Variants in NEK11 observed in about 807,000 individuals in gnomAD.
NEK11 encodes the protein NIMA related kinase 11.
Under a neutral mutation model 80.7 loss-of-function variants are expected in NEK11, and 72 were observed. The ratio of observed to expected loss-of-function variants is 0.89; its 90% CI spans 0.74 to 1.08. The LOEUF (loss-of-function observed/expected upper bound fraction) is 1.08. Among genes scored for constraint, NEK11 ranks in the 50% least tolerant of loss-of-function variants. The pLI, the probability that NEK11 is intolerant of heterozygous loss-of-function variation, is 0.00. For missense variants in NEK11, 764 were observed against 763.6 expected, an observed-to-expected ratio of 1.00 and a Z score of -0.01; for synonymous variants, 251 against 260.7, an observed-to-expected ratio of 0.96 and a Z score of 0.36.
intron 14 of NEK11, among the ~76,000 whole-genome samples, chr3:131,226,898 GTCT>G (rs1231083437): frequency 1.3e-5 from 2 of 151,940 alleles, no homozygotes; most frequent in South Asian, 2.1e-4. Flanking sequence ...ACGTGCAGGT[GTCT>G]TCTTGATATA....
intron 17 of NEK11, among the ~76,000 whole-genome samples, chr3:131,288,913 T>C (rs1320446591): frequency 1.3e-5 from 2 of 152,180 alleles, no homozygotes; most frequent in South Asian, 2.1e-4. Flanking sequence ...CAAGGGTAGA[T>C]AGTAATAAAT....
intron 17 of NEK11, among the ~76,000 whole-genome samples, chr3:131,307,477 C>G (rs1398812796): frequency 6.6e-6 from 1 of 152,182 alleles, no homozygotes; most frequent in Non-Finnish European, 1.5e-5. Context: ...GGGCTTAACT[C>G]ATTAGAGTTA....
chr3:131,213,917 T>A (rs2094722425), intron 14 of NEK11, among the ~76,000 whole-genome samples: 1 of 152,052 alleles, frequency 6.6e-6, no homozygotes, highest in African/African-American at 2.4e-5. Flanking sequence ...GTCATGAGGG[T>A]AGAGCCCACA....
chr3:131,301,012 A>G (rs1415285566), intron 17 of NEK11, among the ~76,000 whole-genome samples: 1 of 152,188 alleles, frequency 6.6e-6, no homozygotes, highest in Non-Finnish European at 1.5e-5. Context: ...AATCATGAGT[A>G]TGAAATATTT....
chr3:131,074,761 A>G (rs1383189582), intron 3 of NEK11, among the ~76,000 whole-genome samples: 1 of 152,156 alleles, frequency 6.6e-6, no homozygotes, highest in Non-Finnish European at 1.5e-5. Flanking sequence ...CTGAAGCTCT[A>G]GACCGTGGAT....
At chr3:131,083,001 G>A (rs1469646693) in intron 4 of NEK11, among the ~76,000 whole-genome samples, 1 of 152,162 alleles carries the variant, frequency 6.6e-6, no homozygotes, top group Non-Finnish European at 1.5e-5. Context: ...AAACCCAGTG[G>A]TTCTCAAAGT....
At chr3:131,187,585 G>C (rs2093647405) in intron 14 of NEK11, among the ~76,000 whole-genome samples, 1 of 152,090 alleles carries the variant, frequency 6.6e-6, no homozygotes, top group South Asian at 2.1e-4. Context: ...AGTGCAAAGA[G>C]GTAAAAGATG....
At chr3:131,049,556 C>T (rs767247560) in intron 3 of NEK11, among the ~76,000 whole-genome samples, 3 of 152,100 alleles carry the variant, frequency 2.0e-5, no homozygotes, top group Non-Finnish European at 4.4e-5. Flanking sequence ...GTCCCACAAA[C>T]GGCTTAATTT....
chr3:131,255,490 C>T (rs1032090417), intron 16 of NEK11, among the ~76,000 whole-genome samples: 1 of 152,204 alleles, frequency 6.6e-6, no homozygotes, highest in African/African-American at 2.4e-5. Flanking sequence ...CCTAACCTGG[C>T]ACACAAGATT....
chr3:131,252,474 C>T (rs2095724307), intron 16 of NEK11, among the ~76,000 whole-genome samples: 1 of 152,068 alleles, frequency 6.6e-6, no homozygotes, highest in Non-Finnish European at 1.5e-5. Context: ...TTCCTGACCC[C>T]AATTTAGTTT....
At chr3:131,188,820 G>A (rs2093687984) in intron 14 of NEK11, among the ~76,000 whole-genome samples, 1 of 151,934 alleles carries the variant, frequency 6.6e-6, no homozygotes, top group Non-Finnish European at 1.5e-5. Flanking sequence ...ACCCCAAAGT[G>A]TTTCATTACT....
intron 3 of NEK11, among the ~76,000 whole-genome samples, chr3:131,063,057 C>A (rs553985746): frequency 9.8e-5 from 15 of 152,304 alleles, no homozygotes; most frequent in Non-Finnish European, 2.1e-4. Context: ...CAGACTTTTG[C>A]GCTGATGCCC....
intron 14 of NEK11, among the ~76,000 whole-genome samples, chr3:131,224,705 A>T (rs1026117632): frequency 2.6e-5 from 4 of 152,150 alleles, no homozygotes; most frequent in African/African-American, 9.7e-5. Context: ...GTGGGACAAG[A>T]TGTGGAGGTG....
chr3:131,029,833 C>A lies in NEK11; in HGVS notation c.125C>A (p.Thr42Asn), dbSNP rs2109239571. ...AAACTTGGCAGTGGAAGTTTTGGAA[C>A]TGTCTATCTGGTTTCAGACAAGAAA... ...QQKLGSGSFGTVYLVSDKKAK... is the reference protein window; with the variant it reads ...QQKLGSGSFGNVYLVSDKKAK... The change falls in exon 3 of 18, where the codon ACT (threonine) becomes AAT (asparagine). Residue 42 changes from threonine (T) to asparagine (N), a missense_variant. Transcript: ENST00000383366. The A allele has an allele frequency of 6.2e-7, 1 of 1,614,216 alleles. No homozygotes were observed. The highest frequency in any genetic ancestry group is 2.2e-5 in the East Asian group (1 of 44,886).
intron 3 of NEK11, among the ~76,000 whole-genome samples, chr3:131,066,860 A>AG (rs920603174): frequency 2.0e-5 from 3 of 150,238 alleles, no homozygotes; most frequent in Non-Finnish European, 3.0e-5. Flanking sequence ...AAAAAAAAAG[A>AG]AAAGAAAAAG....
At chr3:131,156,169 T>C (rs77654402) in intron 10 of NEK11, among the ~76,000 whole-genome samples, 1 of 152,226 alleles carries the variant, frequency 6.6e-6, no homozygotes, top group East Asian at 1.9e-4. Context: ...TTATGAAATA[T>C]TGACTTCAGA....
intron 4 of NEK11, among the ~76,000 whole-genome samples, chr3:131,095,438 A>G (rs952387899): frequency 1.3e-5 from 2 of 152,184 alleles, no homozygotes; most frequent in Non-Finnish European, 2.9e-5. Context: ...CTGTCTGTGG[A>G]TGGCAAGACT....
At chr3:131,177,902 CATCCTT>C (rs1413650057) in intron 14 of NEK11, among the ~76,000 whole-genome samples, 1 of 152,202 alleles carries the variant, frequency 6.6e-6, no homozygotes, top group African/African-American at 2.4e-5. Flanking sequence ...TAGGCAATTT[CATCCTT>C]AAGCAAACAT....
chr3:131,292,532 T>A (rs2096554743), intron 17 of NEK11, among the ~76,000 whole-genome samples: 1 of 151,442 alleles, frequency 6.6e-6, no homozygotes, highest in Non-Finnish European at 1.5e-5. Flanking sequence ...TTTTTTTTTT[T>A]AGAGATAGAG....
Sources: gnomAD v4.1 joint callset for allele counts (sites outside exome capture counted in the v4.1 genomes callset) on GRCh38, gnomAD v4.1.1 for gene constraint, MANE v1.5 for transcripts, NCBI Gene and HGNC (gene_info 2026-07-23, HGNC 2026-07-21) for gene names.